The following WASHC2A variants were observed in gnomAD, a reference collection of about 807,000 sequenced individuals.
WASHC2A encodes the protein WASH complex subunit 2A.
WASHC2A carries 82 observed loss-of-function variants against 140.3 expected under a neutral mutation model. The ratio of observed to expected loss-of-function variants is 0.58; its 90% CI spans 0.49 to 0.70. The LOEUF (loss-of-function observed/expected upper bound fraction) is 0.70. Among genes scored for constraint, WASHC2A ranks in the 30% least tolerant of loss-of-function variants. The pLI, the probability that WASHC2A is intolerant of heterozygous loss-of-function variation, is 0.00. For synonymous variants in WASHC2A, 340 were observed against 560.8 expected, an observed-to-expected ratio of 0.61 and a Z score of 5.56; for missense variants, 985 against 1,521.8, an observed-to-expected ratio of 0.65 and a Z score of 5.87.
At chr10:50,121,221 G>C (rs1256399873) in intron 23 of WASHC2A, among the ~76,000 whole-genome samples, 6 of 150,268 alleles carry the variant, frequency 4.0e-5, no homozygotes, top group African/African-American at 1.5e-4. Flanking sequence ...TGTATTTGCA[G>C]ATGGCATGAT....
In WASHC2A at chr10:50,127,206, G is replaced by T. The variant is rs1246244419; in HGVS notation, c.2858G>T (p.Arg953Leu). ...APFKTKEPST[R>L]IGKIQANLAI... Reference sequence around the variant, plus strand: ...TTTAAAACCAAAGAACCATCCACTCGGATCGGGAAGATACAAGTAATTAAA... The same window carrying T: ...TTTAAAACCAAAGAACCATCCACTCTGATCGGGAAGATACAAGTAATTAAA... Residue 953 changes from arginine to leucine, a missense_variant, in exon 27 of 31, where the codon CGG becomes CTG. Arg to Leu is a moderately radical substitution (Grantham distance 102). Transcript: ENST00000282633. 74 of 1,611,872 alleles carry T rather than the reference G, an allele frequency of 4.6e-5. No homozygotes were observed. The highest frequency in any genetic ancestry group is 6.1e-5 in the Non-Finnish European group (72 of 1,179,860).
At chr10:50,127,265 C>T in intron 27 of WASHC2A, 43 bp downstream of exon 27, 1 of 1,611,770 alleles carries the variant, frequency 6.2e-7, no homozygotes, top group South Asian at 1.1e-5. Flanking sequence ...CCTGTGGCAT[C>T]TATAAACTTT....
Position 50,078,680 on chromosome 10 carries a change from A to G in WASHC2A, c.297A>G (p.Val99=), listed in dbSNP as rs1838608877. The change falls in exon 4 of 31, where the codon GTA becomes GTG. Residue 99 remains valine (V), a synonymous_variant. Transcript: ENST00000282633. Reference sequence around the variant, plus strand: ...GAGTTTGCTTCCATATTTAGCGTGTATATGATGAAGAAGTGGAGGAGCCAG... The same window carrying G: ...GAGTTTGCTTCCATATTTAGCGTGTGTATGATGAAGAAGTGGAGGAGCCAG... The part of the protein sequence containing the change: ...LSNTQFIENR[V]YDEEVEEPVL... 4.3e-6 allele frequency: 7 copies of G among 1,611,862 alleles called. No individual in the cohort carries two copies. The highest frequency in any genetic ancestry group is 4.2e-6 in the Non-Finnish European group (5 of 1,179,838).
chr10:50,107,589 T>A (rs1841906118), intron 19 of WASHC2A, among the ~76,000 whole-genome samples: 1 of 149,158 alleles, frequency 6.7e-6, no homozygotes, highest in Admixed American at 6.7e-5. Flanking sequence ...CTGAAAGCAA[T>A]TTAAAAATTC....
intron 8 of WASHC2A, among the ~76,000 whole-genome samples, chr10:50,088,885 GTCTT>G (rs1314538058): frequency 8.6e-6 from 1 of 115,690 alleles, no homozygotes; most frequent in Non-Finnish European, 1.8e-5. Context: ...TTAACGATCA[GTCTT>G]TCTTCATAGG....
intron 3 of WASHC2A, among the ~76,000 whole-genome samples, chr10:50,072,863 G>A (rs1268881314): frequency 6.6e-6 from 1 of 152,132 alleles, no homozygotes; most frequent in Non-Finnish European, 1.5e-5. Context: ...GAATTATGGT[G>A]CCATTTGGTT....
intron 16 of WASHC2A, among the ~76,000 whole-genome samples, chr10:50,099,356 A>G (rs1237144191): frequency 3.5e-4 from 53 of 149,584 alleles, no homozygotes; most frequent in Admixed American, 1.5e-3. Context: ...TGCAGCCTCA[A>G]CCTCCTGGGT....
At position 50,091,534 on chromosome 10, in the gene WASHC2A, G is replaced by A. The variant is rs1391510546; in HGVS notation, c.931+16G>A. 545 of 1,549,340 alleles carry A rather than the reference G, an allele frequency of 3.5e-4. No individual in the cohort carries two copies. Among genetic ancestry groups the A allele is most frequent in the Non-Finnish European group, 4.2e-4 (483 of 1,146,536 alleles). ...GAGCCGACAAGTGAGCCCCAGCCGC[G>A]TTGATGGGGAGTAGGGGGGGAGTAG... On this transcript the variant is annotated intron_variant, in intron 10 of 30. Transcript: ENST00000282633.
chr10:50,109,770 A>C (rs1448235450), intron 19 of WASHC2A, among the ~76,000 whole-genome samples: 6 of 152,034 alleles, frequency 3.9e-5, no homozygotes, highest in Admixed American at 1.3e-4. Context: ...TTGCCATTGG[A>C]CTTTTTTTTC....
intron 16 of WASHC2A, 78 bp from the exon 17 acceptor site, chr10:50,099,900 C>T: frequency 8.1e-7 from 1 of 1,238,134 alleles, no homozygotes; most frequent in Non-Finnish European, 1.1e-6. Flanking sequence ...ACCCTCTTTT[C>T]TGGGTATCTT....
At chr10:50,100,794 C>T (rs1164807907) in intron 17 of WASHC2A, among the ~76,000 whole-genome samples, 1 of 149,330 alleles carries the variant, frequency 6.7e-6, no homozygotes, top group African/African-American at 2.5e-5. Context: ...CTAACAGCCT[C>T]TGGGACCCTG....
At chr10:50,127,291 T>C (rs2258098) in intron 27 of WASHC2A, 69 bp downstream of exon 27, 28 of 1,611,238 alleles carry the variant, frequency 1.7e-5, no homozygotes, top group South Asian at 1.2e-4. Flanking sequence ...GTTTCCTACT[T>C]TTGTCAGCTG....
At chr10:50,121,903 C>A (rs1236222951) in intron 23 of WASHC2A, among the ~76,000 whole-genome samples, 2 of 145,222 alleles carry the variant, frequency 1.4e-5, no homozygotes. Context: ...GGACCAGAAA[C>A]CTTAATATTG....
chr10:50,091,478 C>A lies in WASHC2A; in HGVS notation c.891C>A (p.Ile297=). ...TSFADELAAR[I]KGDAVGRVDE... ...TTGCAGATGAGCTGGCTGCCCGCATCAAGGGGGATGCCGTGGGTCGAGTGG... is the reference window on the plus strand; with the variant it reads ...TTGCAGATGAGCTGGCTGCCCGCATAAAGGGGGATGCCGTGGGTCGAGTGG... The change falls in exon 10 of 31, where the codon ATC becomes ATA. Residue 297 remains isoleucine (I), a synonymous_variant. Transcript: ENST00000282633. 6.4e-7 allele frequency: 1 copy of A among 1,550,728 alleles called. No homozygotes were observed. The highest frequency in any genetic ancestry group is 2.4e-5 in the East Asian group (1 of 41,258).
chr10:50,090,008 G>C (rs1554882227), intron 8 of WASHC2A, among the ~76,000 whole-genome samples: 1 of 151,262 alleles, frequency 6.6e-6, no homozygotes, highest in Non-Finnish European at 1.5e-5. Context: ...TACTCAGAGG[G>C]CTGAGGCAGG....
chr10:50,124,870 A>ATATG (rs1416671641), intron 23 of WASHC2A, among the ~76,000 whole-genome samples: 1 of 76,466 alleles, frequency 1.3e-5, no homozygotes, highest in Non-Finnish European at 3.6e-5. Flanking sequence ...AAGCTTGTGC[A>ATATG]TATATATATA....
Position 50,127,576 on chromosome 10 carries a change from T to G in WASHC2A, c.2875-7T>G. 1 of 1,599,658 alleles carries G rather than the reference T, an allele frequency of 6.3e-7. No individual in the cohort carries two copies. Among genetic ancestry groups the G allele is most frequent in the Non-Finnish European group, 8.5e-7 (1 of 1,170,592 alleles). Reference sequence around the variant, plus strand: ...AACAAATACAGAGTTTCATTTTTCTTCTTTAGGCAAATTTAGCGATCAACC... The same window carrying G: ...AACAAATACAGAGTTTCATTTTTCTGCTTTAGGCAAATTTAGCGATCAACC... On this transcript the variant is annotated splice_region_variant and splice_polypyrimidine_tract_variant and intron_variant, in intron 27 of 30. Transcript: ENST00000282633.
chr10:50,130,772 C>T (rs1843891211), intron 29 of WASHC2A, 129 bp from the exon 30 acceptor site: 12 of 1,413,626 alleles, frequency 8.5e-6, no homozygotes, highest in Non-Finnish European at 1.2e-5. Flanking sequence ...GCATCCCAGG[C>T]AGAGTGGGCA....
Position 50,084,052 on chromosome 10 carries a change from A to G in WASHC2A, c.529-20A>G, listed in dbSNP as rs1343555054. The stretch of plus-strand genomic sequence containing the variant: ...TTTCAACTGAAATGTTTGACAGCCT[A>G]TTCCTTTCATGATGTACAGGATCTA... On this transcript the variant is annotated intron_variant, in intron 5 of 30. Coordinates refer to ENST00000282633, the MANE Select transcript of WASHC2A (RefSeq NM_001005751.3). 212 of 1,610,780 alleles carry G rather than the reference A, an allele frequency of 1.3e-4. No homozygotes were observed. The highest frequency in any genetic ancestry group is 2.3e-4 in the Middle Eastern group (1 of 4,430).
Sources: allele counts gnomAD v4.1 joint callset (sites outside exome capture counted in the v4.1 genomes callset), GRCh38; gene constraint gnomAD v4.1.1; transcripts MANE v1.5; gene names NCBI Gene and HGNC (gene_info 2026-07-23, HGNC 2026-07-21).